The following RANBP2 variants were observed in gnomAD, a reference collection of about 807,000 sequenced individuals.
RANBP2 encodes E3 SUMO-protein ligase RanBP2.
A neutral mutation model predicts 303.6 loss-of-function variants in RANBP2; 57 were observed. The observed-to-expected ratio is 0.19, with a 90% CI of 0.15 to 0.23. The LOEUF is 0.23. Ranked by LOEUF, RANBP2 falls within the 10% of genes least tolerant of loss-of-function variation. The pLI, the probability that RANBP2 is intolerant of heterozygous loss-of-function variation, is 1.00. For missense variants in RANBP2, 3,138 were observed against 3,780.8 expected, an observed-to-expected ratio of 0.83 and a Z score of 4.46; for synonymous variants, 1,167 against 1,301.5, an observed-to-expected ratio of 0.90 and a Z score of 2.23.
the RANBP2 span, among the ~76,000 whole-genome samples, chr2:109,674,267 A>C: frequency 6.6e-6 from 1 of 151,936 alleles, no homozygotes; most frequent in East Asian, 1.9e-4. Context: ...GTAAAATGGT[A>C]GAAACTGCTG....
the RANBP2 span, among the ~76,000 whole-genome samples, chr2:109,570,698 A>G: frequency 2.0e-5 from 3 of 151,344 alleles, no homozygotes; most frequent in African/African-American, 7.3e-5. Context: ...ATTTTTTTGT[A>G]TTTTTAGTAG....
chr2:108,819,621 CA>C, the RANBP2 span, among the ~76,000 whole-genome samples: 1 of 152,154 alleles, frequency 6.6e-6, no homozygotes, highest in Non-Finnish European at 1.5e-5. Flanking sequence ...CATAGAAGCC[CA>C]GAGAAGACAC....
At chr2:108,910,785 C>T in the RANBP2 span, 2 of 1,613,278 alleles carry the variant, frequency 1.2e-6, no homozygotes, top group Non-Finnish European at 1.7e-6. Context: ...CCTGGGGCCT[C>T]TTTCTTCTCC....
At chr2:108,962,674 CAAAAAAAAA>C in the RANBP2 span, among the ~76,000 whole-genome samples, 4 of 66,886 alleles carry the variant, frequency 6.0e-5, no homozygotes, top group East Asian at 1.3e-3. Flanking sequence ...GACTCTGTCT[CAAAAAAAAA>C]AAAAAAAAAA....
chr2:108,807,916 T>C, the RANBP2 span, among the ~76,000 whole-genome samples: 1 of 152,142 alleles, frequency 6.6e-6, no homozygotes, highest in African/African-American at 2.4e-5. Flanking sequence ...GCCCCTCCTA[T>C]CCAGTTCTAA....
chr2:109,496,558 C>T, the RANBP2 span, among the ~76,000 whole-genome samples: 5 of 152,238 alleles, frequency 3.3e-5, no homozygotes, highest in South Asian at 4.1e-4. Flanking sequence ...ACCTGCAGCA[C>T]GGCCTGGCCG....
chr2:108,977,056 C>T, the RANBP2 span, among the ~76,000 whole-genome samples: 9 of 152,148 alleles, frequency 5.9e-5, no homozygotes, highest in Non-Finnish European at 1.2e-4. Flanking sequence ...AGAACAAGCT[C>T]TCATTTAGAA....
chr2:109,096,737 G>A, the RANBP2 span, among the ~76,000 whole-genome samples: 2 of 151,600 alleles, frequency 1.3e-5, no homozygotes, highest in Non-Finnish European at 2.9e-5. Context: ...AAATGCTGGC[G>A]ATCCTTTTTT....
the RANBP2 span, among the ~76,000 whole-genome samples, chr2:109,606,371 C>T: frequency 9.2e-5 from 14 of 152,242 alleles, no homozygotes; most frequent in African/African-American, 3.1e-4. Flanking sequence ...GCCAACACTG[C>T]ACCACTGCAT....
the RANBP2 span, among the ~76,000 whole-genome samples, chr2:109,451,072 G>A: frequency 6.6e-6 from 1 of 152,246 alleles, no homozygotes; most frequent in Non-Finnish European, 1.5e-5. Flanking sequence ...GGCCACACCA[G>A]GTTCCGCAGG....
the RANBP2 span, among the ~76,000 whole-genome samples, chr2:109,088,104 A>T: frequency 6.6e-6 from 1 of 152,132 alleles, no homozygotes; most frequent in Non-Finnish European, 1.5e-5. Context: ...CTCTACTAAA[A>T]ATACAAAAAT....
chr2:109,239,121 G>GCTC, the RANBP2 span, among the ~76,000 whole-genome samples: 1 of 152,196 alleles, frequency 6.6e-6, no homozygotes. Flanking sequence ...TCTTTTCCGA[G>GCTC]TGTCCCAGAG....
chr2:109,235,803 C>T, the RANBP2 span, among the ~76,000 whole-genome samples: 6 of 152,208 alleles, frequency 3.9e-5, no homozygotes, highest in Admixed American at 1.3e-4. Context: ...TTCATCTTCA[C>T]GTGCACTCGG....
the RANBP2 span, among the ~76,000 whole-genome samples, chr2:109,183,561 C>T: frequency 6.6e-6 from 1 of 151,664 alleles, no homozygotes; most frequent in Non-Finnish European, 1.5e-5. Context: ...TGAGTCTTAC[C>T]CCAGCTCTTC....
chr2:109,667,300 T>A, the RANBP2 span: 1 of 653,892 alleles, frequency 1.5e-6, no homozygotes, highest in East Asian at 2.9e-5. Context: ...AGGAAGGTCC[T>A]GTGGCCAATT....
chr2:109,656,954 A>T, the RANBP2 span, among the ~76,000 whole-genome samples: 4 of 152,192 alleles, frequency 2.6e-5, no homozygotes, highest in Non-Finnish European at 4.4e-5. Flanking sequence ...AGAAGGGAAA[A>T]ATGCAGATGG....
the RANBP2 span, among the ~76,000 whole-genome samples, chr2:109,609,083 G>A: frequency 1.7e-4 from 26 of 152,092 alleles, no homozygotes; most frequent in African/African-American, 6.0e-4. Context: ...ACATAACCTG[G>A]CACTATGTTA....
the RANBP2 span, among the ~76,000 whole-genome samples, chr2:109,306,870 C>T: frequency 6.6e-6 from 1 of 152,184 alleles, no homozygotes; most frequent in Admixed American, 6.5e-5. Flanking sequence ...AGAGCCAAAG[C>T]TTGGTTCAAC....
chr2:109,359,018 C>A, the RANBP2 span, among the ~76,000 whole-genome samples: 1 of 152,188 alleles, frequency 6.6e-6, no homozygotes, highest in Non-Finnish European at 1.5e-5. Context: ...TTTCCTACCA[C>A]TGTTTATTTT....
Sources: gnomAD v4.1 joint callset for allele counts (sites outside exome capture counted in the v4.1 genomes callset) on GRCh38, gnomAD v4.1.1 for gene constraint, MANE v1.5 for transcripts, NCBI Gene and HGNC (gene_info 2026-07-23, HGNC 2026-07-21) for gene names.